Variants in NCALD observed in about 807,000 individuals in gnomAD.
NCALD encodes the protein neurocalcin-delta.
Under a neutral mutation model 18.6 loss-of-function variants are expected in NCALD, and 10 were observed. The observed-to-expected ratio is 0.54, with a 90% CI of 0.33 to 0.91. The LOEUF (loss-of-function observed/expected upper bound fraction) is 0.91, where lower values mean the gene tolerates loss of function less well. Ranked by LOEUF, NCALD falls within the 40% of genes least tolerant of loss-of-function variation. NCALD has a pLI of 0.03. For synonymous variants in NCALD, 88 were observed against 87.4 expected (o/e 1.01, Z -0.04); for missense variants, 184 against 247.6 (o/e 0.74, Z 1.72).
At chr8:102,090,785 TAC>T (rs1347097806) in intron 1 of NCALD, among the ~76,000 whole-genome samples, 1 of 152,220 alleles carries the variant, frequency 6.6e-6, no homozygotes, top group South Asian at 2.1e-4. Flanking sequence ...ATTATGGCAA[TAC>T]AGTTATTTGC....
Position 101,723,590 on chromosome 8 carries a change from A to G in NCALD, c.-19-3942T>C, listed in dbSNP as rs570408390. 2.0e-5 allele frequency among the ~76,000 whole-genome samples: 3 copies of G among 152,278 alleles called. No individual in the cohort carries two copies. The South Asian group carries it at 6.2e-4, about 32-fold the overall frequency. ...TTACACTTTTGTAAGACTAACCAAT[A>G]AAAAAAGGACTCCAATTTTAAACCA... On this transcript the variant is annotated intron_variant, in intron 1 of 3. Transcript: ENST00000220931.
chr8:101,826,210 T>C (rs1329092590), intron 4 of NCALD, among the ~76,000 whole-genome samples: 2 of 152,232 alleles, frequency 1.3e-5, no homozygotes, highest in Non-Finnish European at 2.9e-5. Context: ...AACAGCTTCA[T>C]AGTCCACCTA....
intron 4 of NCALD, among the ~76,000 whole-genome samples, chr8:101,856,491 T>C (rs1016381844): frequency 5.9e-5 from 9 of 152,172 alleles, no homozygotes; most frequent in African/African-American, 2.2e-4. Flanking sequence ...ACGCCCAGCC[T>C]GATCTTACAT....
At chr8:101,709,456 C>G (rs915696083) in intron 2 of NCALD, among the ~76,000 whole-genome samples, 2 of 152,104 alleles carry the variant, frequency 1.3e-5, no homozygotes, top group Non-Finnish European at 2.9e-5. Context: ...AGCGTGTATA[C>G]ATATAGTCAA....
chr8:101,870,298 A>G (rs117329664), intron 4 of NCALD, among the ~76,000 whole-genome samples: 84 of 152,376 alleles, frequency 5.5e-4, no homozygotes, highest in Non-Finnish European at 1.0e-3. Context: ...GAGAATGGAC[A>G]GAACAAATAC....
chr8:101,741,296 C>T (rs1810172875), intron 1 of NCALD, among the ~76,000 whole-genome samples: 1 of 152,224 alleles, frequency 6.6e-6, no homozygotes, highest in South Asian at 2.1e-4. Flanking sequence ...AATGTGACTT[C>T]TGGCCTTATC....
In NCALD at chr8:102,027,991, T is replaced by C. The variant is rs139215673; in HGVS notation, c.-209-7702A>G. Reference sequence around the variant, plus strand: ...CCTGACACAAAGGGATTATGGGAACTGTAATTCAAGATAAGATTTGGATTC... The same window carrying C: ...CCTGACACAAAGGGATTATGGGAACCGTAATTCAAGATAAGATTTGGATTC... On this transcript the variant is annotated intron_variant, in intron 1 of 6. Coordinates refer to the NCALD transcript ENST00000311028. Among the ~76,000 whole-genome samples the C allele has an allele frequency of 1.7e-4, 26 of 152,352 alleles. 1 individual carries two copies. Among genetic ancestry groups the C allele is most frequent in the Admixed American group, 1.1e-3 (17 of 15,302 alleles).
intron 1 of NCALD, among the ~76,000 whole-genome samples, chr8:101,728,830 A>AAAACAAAC (rs57922786): frequency 1.3e-5 from 2 of 151,974 alleles, no homozygotes; most frequent in African/African-American, 2.4e-5. Flanking sequence ...AAAACAAAAC[A>AAAACAAAC]AAACAAACAA....
intron 1 of NCALD, among the ~76,000 whole-genome samples, chr8:101,751,493 A>G (rs1032731532): frequency 3.3e-5 from 5 of 152,144 alleles, no homozygotes; most frequent in African/African-American, 1.2e-4. Flanking sequence ...AAAATTAGTT[A>G]AAATGGTAAA....
chr8:102,071,696 T>C (rs934720736), intron 1 of NCALD, among the ~76,000 whole-genome samples: 1 of 149,960 alleles, frequency 6.7e-6, no homozygotes, highest in Non-Finnish European at 1.5e-5. Context: ...TATTTCTATA[T>C]ACTAGCAATC....
At position 101,823,524 on chromosome 8, in the gene NCALD, G is replaced by A. The variant is rs1413318762; in HGVS notation, c.-20+63617C>T. On this transcript the variant is annotated intron_variant, in intron 4 of 6. Transcript: ENST00000311028. ...CAAAGGTTTTAAAACAATATTTTTG[G>A]ACAATCCTGGCAAGACGTTGAGCAA... 2.0e-5 allele frequency among the ~76,000 whole-genome samples: 3 copies of A among 151,900 alleles called. No individual in the cohort carries two copies. The East Asian group carries it at 5.8e-4, about 29-fold the overall frequency.
At chr8:101,879,677 G>C (rs1324978128) in intron 4 of NCALD, among the ~76,000 whole-genome samples, 2 of 152,182 alleles carry the variant, frequency 1.3e-5, no homozygotes, top group African/African-American at 4.8e-5. Context: ...TGATTGGTCT[G>C]TTTTACAGAG....
At chr8:102,038,456 G>A (rs1458362620) in intron 1 of NCALD, among the ~76,000 whole-genome samples, 1 of 152,178 alleles carries the variant, frequency 6.6e-6, no homozygotes, top group Non-Finnish European at 1.5e-5. Context: ...CAGCAAGGAT[G>A]CTGCATCAAC....
chr8:101,944,046 C>A (rs1352919360), intron 2 of NCALD, among the ~76,000 whole-genome samples: 1 of 152,148 alleles, frequency 6.6e-6, no homozygotes, highest in Non-Finnish European at 1.5e-5. Context: ...TTAGCTAGTC[C>A]CTTCCAGCAG....
At chr8:101,860,240 G>T (rs985045314) in intron 4 of NCALD, among the ~76,000 whole-genome samples, 2 of 152,126 alleles carry the variant, frequency 1.3e-5, no homozygotes, top group Admixed American at 1.3e-4. Flanking sequence ...GCTGCCTCAG[G>T]AAACTACCGG....
intron 1 of NCALD, among the ~76,000 whole-genome samples, chr8:102,118,748 C>T (rs976577995): frequency 2.6e-5 from 4 of 151,046 alleles, no homozygotes; most frequent in Non-Finnish European, 4.5e-5. Flanking sequence ...TCCCCACCCC[C>T]TCTCTAACGT....
At chr8:102,057,704 CCA>C (rs992443772) in intron 1 of NCALD, among the ~76,000 whole-genome samples, 4 of 152,200 alleles carry the variant, frequency 2.6e-5, no homozygotes, top group Admixed American at 1.3e-4. Flanking sequence ...TCTTTTAATT[CCA>C]CACTCTCCAC....
chr8:101,803,645 G>C (rs967744142), intron 4 of NCALD, among the ~76,000 whole-genome samples: 4 of 152,162 alleles, frequency 2.6e-5, no homozygotes, highest in Non-Finnish European at 4.4e-5. Flanking sequence ...ATGATTCATG[G>C]GAGGAGGCCA....
intron 1 of NCALD, among the ~76,000 whole-genome samples, chr8:101,722,292 G>C (rs1816397034): frequency 6.6e-6 from 1 of 152,148 alleles, no homozygotes; most frequent in African/African-American, 2.4e-5. Flanking sequence ...AAAAAACAGA[G>C]TTACAGAGGC....
Sources: gnomAD v4.1 joint callset for allele counts (sites outside exome capture counted in the v4.1 genomes callset) on GRCh38, gnomAD v4.1.1 for gene constraint, MANE v1.5 for transcripts, NCBI Gene and HGNC (gene_info 2026-07-23, HGNC 2026-07-21) for gene names.